The following BRINP2 variants were observed in gnomAD, a reference collection of about 807,000 sequenced individuals.
BRINP2 encodes BMP/retinoic acid-inducible neural-specific protein 2.
BRINP2 carries 21 observed loss-of-function variants against 69.2 expected under a neutral mutation model. That is an observed-to-expected ratio of 0.30 (90% CI 0.22 to 0.44). The LOEUF (loss-of-function observed/expected upper bound fraction) is 0.44. Among genes scored for constraint, BRINP2 ranks in the 20% least tolerant of loss-of-function variants. The probability of loss-of-function intolerance (pLI) is 1.00; values close to 1 mark genes in which losing one functional copy is unlikely to be tolerated. For synonymous variants in BRINP2, 380 were observed against 394.1 expected, an observed-to-expected ratio of 0.96 and a Z score of 0.42; for missense variants, 877 against 986.0, an observed-to-expected ratio of 0.89 and a Z score of 1.48.
At chr1:177,244,988 G>T (rs1473972440) in intron 2 of BRINP2, among the ~76,000 whole-genome samples, 2 of 152,154 alleles carry the variant, frequency 1.3e-5, no homozygotes, top group African/African-American at 4.8e-5. Context: ...ACAAGTGAGT[G>T]ATATTGCAAA....
chr1:177,202,373 A>G (rs1220497388), intron 1 of BRINP2, among the ~76,000 whole-genome samples: 1 of 152,124 alleles, frequency 6.6e-6, no homozygotes, highest in Non-Finnish European at 1.5e-5. Context: ...ACTGCTTTGA[A>G]TGTGTCCCAG....
At chr1:177,236,918 T>TAAAAAAAAAAAAAAAAAA (rs59673685) in intron 2 of BRINP2, among the ~76,000 whole-genome samples, 1 of 116,110 alleles carries the variant, frequency 8.6e-6, no homozygotes. Flanking sequence ...AGGGTGCAAC[T>TAAAAAAAAAAAAAAAAAA]AAAAAAAAAA....
In BRINP2 at chr1:177,273,694, T is replaced by A. The variant is rs374304889; in HGVS notation, c.775+101T>A. Reference sequence around the variant, plus strand: ...AAAAAATTCTGCCTGTTCCATTTGATCAAACCTTTCTTAAGACAAGAACTA... The same window carrying A: ...AAAAAATTCTGCCTGTTCCATTTGAACAAACCTTTCTTAAGACAAGAACTA... On this transcript the variant is annotated intron_variant, in intron 5 of 7. Transcript: ENST00000361539. 5 of 664,598 alleles carry A rather than the reference T, an allele frequency of 7.5e-6. No individual in the cohort carries two copies. The Admixed American group carries it at 1.7e-4, about 23-fold the overall frequency. The allele number at this position is 664,598 out of a possible 1,614,324, so 41.2% of individuals were successfully genotyped here.
rs1174339002 is a variant in BRINP2 at position 177,229,034 on chromosome 1, T to C, written c.-76-767T>C. 2.0e-5 allele frequency among the ~76,000 whole-genome samples: 3 copies of C among 152,214 alleles called. No individual in the cohort carries two copies. The East Asian group carries it at 5.8e-4, about 29-fold the overall frequency. On this transcript the variant is annotated intron_variant, in intron 1 of 7. Coordinates refer to ENST00000361539, the MANE Select transcript of BRINP2 (RefSeq NM_021165.4). ...TATTGCTCAGCCCTGCCCCTCGTGG[T>C]GCTCTCAAGCTGCATGGTGAGGTGA...
intron 2 of BRINP2, among the ~76,000 whole-genome samples, chr1:177,242,650 G>A (rs978864708): frequency 9.9e-5 from 15 of 152,070 alleles, no homozygotes; most frequent in African/African-American, 1.9e-4. Context: ...TTTACCATAC[G>A]AACTTATTTT....
At chr1:177,216,262 T>C (rs1213474199) in intron 1 of BRINP2, among the ~76,000 whole-genome samples, 8 of 152,082 alleles carry the variant, frequency 5.3e-5, no homozygotes. Flanking sequence ...TTTTGTTTTG[T>C]GCATCTCCTA....
At chr1:177,176,512 CATTATTATTATTATTATT>C (rs3041971) in intron 1 of BRINP2, among the ~76,000 whole-genome samples, 14 of 143,142 alleles carry the variant, frequency 9.8e-5, no homozygotes, top group African/African-American at 1.8e-4. Flanking sequence ...AAGTGGCTGG[CATTATTATTATTATTATT>C]ATTATTATTA....
At chr1:177,261,121 A>C (rs1358572515) in intron 4 of BRINP2, among the ~76,000 whole-genome samples, 1 of 152,136 alleles carries the variant, frequency 6.6e-6, no homozygotes, top group Non-Finnish European at 1.5e-5. Flanking sequence ...CTAAAGTGGC[A>C]GGGCAGTGTA....
intron 1 of BRINP2, 111 bp from the exon 2 acceptor site, chr1:177,229,690 G>A (rs1384142374): frequency 5.6e-6 from 4 of 713,030 alleles, no homozygotes; most frequent in Non-Finnish European, 8.6e-6. Context: ...ACGAAGTTAT[G>A]TTACTAGCAT....
chr1:177,272,051 A>G (rs947794841), intron 4 of BRINP2, among the ~76,000 whole-genome samples: 3 of 152,202 alleles, frequency 2.0e-5, no homozygotes, highest in Non-Finnish European at 4.4e-5. Flanking sequence ...GGTGCTAGAC[A>G]CATGCACTAT....
At chr1:177,213,225 G>A (rs369160992) in intron 1 of BRINP2, among the ~76,000 whole-genome samples, 8 of 152,092 alleles carry the variant, frequency 5.3e-5, no homozygotes, top group Admixed American at 1.3e-4. Context: ...ATAAATCAGC[G>A]TTTCTCGATC....
chr1:177,269,319 A>G (rs1271728686), intron 4 of BRINP2, among the ~76,000 whole-genome samples: 1 of 152,248 alleles, frequency 6.6e-6, no homozygotes, highest in Middle Eastern at 3.2e-3. Flanking sequence ...CACTTTGCAC[A>G]CTGTGAAGGG....
intron 2 of BRINP2, among the ~76,000 whole-genome samples, chr1:177,248,487 G>A (rs1051536797): frequency 6.6e-6 from 1 of 150,972 alleles, no homozygotes; most frequent in Admixed American, 6.6e-5. Flanking sequence ...GTGTGTGTGT[G>A]TGCGTGCGTG....
chr1:177,248,296 A>C (rs1650452553), intron 2 of BRINP2, among the ~76,000 whole-genome samples: 1 of 152,070 alleles, frequency 6.6e-6, no homozygotes, highest in Admixed American at 6.6e-5. Flanking sequence ...TGAAATTCTA[A>C]ATGCTCCAGT....
At chr1:177,204,640 T>G (rs1422655044) in intron 1 of BRINP2, among the ~76,000 whole-genome samples, 1 of 152,236 alleles carries the variant, frequency 6.6e-6, no homozygotes, top group African/African-American at 2.4e-5. Context: ...CTGATTACTT[T>G]TAATTGAACC....
intron 1 of BRINP2, among the ~76,000 whole-genome samples, chr1:177,206,752 T>C (rs1478052405): frequency 2.0e-5 from 3 of 152,128 alleles, no homozygotes; most frequent in East Asian, 1.9e-4. Flanking sequence ...TGCTGACTTA[T>C]GGATACTCAA....
intron 2 of BRINP2, among the ~76,000 whole-genome samples, chr1:177,247,555 A>G (rs1003123827): frequency 5.7e-4 from 87 of 152,274 alleles, no homozygotes; most frequent in Non-Finnish European, 1.5e-5. Context: ...AGGGAAAACC[A>G]GTTTGGTTCA....
intron 4 of BRINP2, among the ~76,000 whole-genome samples, chr1:177,270,339 A>G (rs1415341046): frequency 6.6e-6 from 1 of 152,170 alleles, no homozygotes; most frequent in African/African-American, 2.4e-5. Flanking sequence ...TTGTCTCCTA[A>G]TTCCCATCCT....
chr1:177,259,739 C>T (rs543755528), intron 4 of BRINP2, among the ~76,000 whole-genome samples: 1 of 152,246 alleles, frequency 6.6e-6, no homozygotes, highest in South Asian at 2.1e-4. Context: ...AATCCAGCCT[C>T]GATGACAGCA....
Sources: allele counts gnomAD v4.1 joint callset (sites outside exome capture counted in the v4.1 genomes callset), GRCh38; gene constraint gnomAD v4.1.1; transcripts MANE v1.5; gene names NCBI Gene and HGNC (gene_info 2026-07-23, HGNC 2026-07-21).